The following ROBO1 variants were observed in gnomAD, a reference collection of about 807,000 sequenced individuals.
ROBO1 encodes roundabout guidance receptor 1.
Under a neutral mutation model 195.9 loss-of-function variants are expected in ROBO1, and 149 were observed. That is an observed-to-expected ratio of 0.76 (90% CI 0.67 to 0.87). ROBO1 has a LOEUF of 0.87. Among genes scored for constraint, ROBO1 ranks in the 40% least tolerant of loss-of-function variants. The pLI, the probability that ROBO1 is intolerant of heterozygous loss-of-function variation, is 0.00. For missense variants in ROBO1, 1,933 were observed against 2,068.3 expected, an observed-to-expected ratio of 0.93 and a Z score of 1.27; for synonymous variants, 816 against 733.2, an observed-to-expected ratio of 1.11 and a Z score of -1.82.
At chr3:79,524,141 T>A (rs1226942541) in intron 2 of ROBO1, among the ~76,000 whole-genome samples, 1 of 151,960 alleles carries the variant, frequency 6.6e-6, no homozygotes, top group Non-Finnish European at 1.5e-5. Context: ...GTTCAAATGC[T>A]CCCACTATTC....
chr3:78,618,066 C>A, intron 26 of ROBO1, 25 bp from the exon 27 acceptor site: 1 of 1,563,574 alleles, frequency 6.4e-7, no homozygotes, highest in South Asian at 1.2e-5. Context: ...ATAAATAGGT[C>A]TGGCTCAGCT....
intron 1 of ROBO1, among the ~76,000 whole-genome samples, chr3:79,620,122 A>C (rs1944957759): frequency 6.6e-6 from 1 of 152,204 alleles, no homozygotes; most frequent in South Asian, 2.1e-4. Context: ...GGGCCAAGGA[A>C]TGTCAACAGC....
intron 2 of ROBO1, among the ~76,000 whole-genome samples, chr3:79,495,659 G>A (rs1939688460): frequency 6.6e-6 from 1 of 152,084 alleles, no homozygotes; most frequent in African/African-American, 2.4e-5. Context: ...ATCTAACTTT[G>A]ATACATGCGG....
At chr3:79,274,830 C>G (rs540090251) in intron 2 of ROBO1, among the ~76,000 whole-genome samples, 1 of 151,790 alleles carries the variant, frequency 6.6e-6, no homozygotes, top group Non-Finnish European at 1.5e-5. Context: ...GAAATCCGAA[C>G]GATCATTAGA....
intron 2 of ROBO1, among the ~76,000 whole-genome samples, chr3:79,572,038 A>C (rs1010458212): frequency 1.3e-5 from 2 of 152,184 alleles, no homozygotes; most frequent in African/African-American, 4.8e-5. Context: ...TTTTAAAGTC[A>C]TTCTTAATGA....
intron 3 of ROBO1, among the ~76,000 whole-genome samples, chr3:79,064,621 C>G (rs1167360342): frequency 6.6e-6 from 1 of 151,900 alleles, no homozygotes; most frequent in East Asian, 1.9e-4. Context: ...CTCAGCCTCC[C>G]AAAGTGTTGG....
chr3:79,053,365 A>G (rs1010352609), intron 3 of ROBO1, among the ~76,000 whole-genome samples: 1 of 151,544 alleles, frequency 6.6e-6, no homozygotes, highest in Non-Finnish European at 1.5e-5. Flanking sequence ...CCCCCCAATG[A>G]CCTTATTTCT....
chr3:78,967,358 G>A (rs2076670447), intron 3 of ROBO1, among the ~76,000 whole-genome samples: 2 of 109,406 alleles, frequency 1.8e-5, no homozygotes, highest in Admixed American at 2.8e-4. Flanking sequence ...CTAAGCTATT[G>A]TTTTATCACT....
intron 3 of ROBO1, among the ~76,000 whole-genome samples, chr3:79,105,119 CA>C (rs1482309695): frequency 2.6e-5 from 4 of 151,438 alleles, no homozygotes; most frequent in South Asian, 2.1e-4. Context: ...AAAAGAAAAC[CA>C]TAAAGCAAAA....
chr3:79,646,538 A>G (rs1945826898), intron 1 of ROBO1, among the ~76,000 whole-genome samples: 1 of 152,164 alleles, frequency 6.6e-6, no homozygotes, highest in Admixed American at 6.6e-5. Flanking sequence ...ATGATCCAGC[A>G]ATTACACTAC....
Position 79,057,159 on chromosome 3 carries a change from G to C in ROBO1, c.172+68297C>G, listed in dbSNP as rs570649642. ...TCCTGAGGCTGTTACAGTGTTCACT[G>C]ATGGCTCCAATGAAAATGCTGGTTA... On this transcript the variant is annotated intron_variant, in intron 3 of 30. Coordinates refer to ENST00000464233, the MANE Select transcript of ROBO1 (RefSeq NM_002941.4). Among the ~76,000 whole-genome samples, 6 of 152,168 alleles carry C rather than the reference G, an allele frequency of 3.9e-5. No individual in the cohort carries two copies. The East Asian group carries it at 7.8e-4, about 20-fold the overall frequency.
chr3:79,464,644 T>C (rs763211999), intron 2 of ROBO1, among the ~76,000 whole-genome samples: 2 of 151,592 alleles, frequency 1.3e-5, no homozygotes, highest in Non-Finnish European at 2.9e-5. Context: ...GGATACAAGT[T>C]CTATATCAGT....
intron 2 of ROBO1, among the ~76,000 whole-genome samples, chr3:79,292,465 G>A (rs1464973414): frequency 6.6e-6 from 1 of 152,164 alleles, no homozygotes; most frequent in Non-Finnish European, 1.5e-5. Context: ...AGTTTTCAAA[G>A]GGAATGCTTC....
chr3:78,982,388 G>C lies in ROBO1; in HGVS notation c.173-43461C>G, dbSNP rs544722186. ...GTCAGTTAATTACAGTGAAGCTTCA[G>C]AGAGGACAGGGGAAGTGTTCCCTTC... On this transcript the variant is annotated intron_variant, in intron 3 of 30. Coordinates refer to ENST00000464233, the MANE Select transcript of ROBO1 (RefSeq NM_002941.4). Among the ~76,000 whole-genome samples the C allele has an allele frequency of 2.0e-5, 3 of 152,252 alleles. No individual in the cohort carries two copies. In the South Asian group the frequency reaches 6.2e-4, roughly 32 times the overall value.
At chr3:78,784,808 C>A (rs1239840933) in intron 4 of ROBO1, among the ~76,000 whole-genome samples, 1 of 152,120 alleles carries the variant, frequency 6.6e-6, no homozygotes, top group Non-Finnish European at 1.5e-5. Context: ...TAGCCATTTG[C>A]AACTATCAGG....
At chr3:79,024,515 C>G (rs2078165756) in intron 3 of ROBO1, among the ~76,000 whole-genome samples, 1 of 152,088 alleles carries the variant, frequency 6.6e-6, no homozygotes, top group Non-Finnish European at 1.5e-5. Context: ...AGCCAGGGAA[C>G]TTATATTTGA....
chr3:79,397,691 GA>G (rs1261817493), intron 2 of ROBO1, among the ~76,000 whole-genome samples: 3 of 152,126 alleles, frequency 2.0e-5, no homozygotes, highest in Non-Finnish European at 4.4e-5. Flanking sequence ...ACTAAGCAAT[GA>G]AACCCCCAAA....
At chr3:78,656,063 CT>C (rs1706989513) in intron 18 of ROBO1, among the ~76,000 whole-genome samples, 1 of 150,972 alleles carries the variant, frequency 6.6e-6, no homozygotes, top group Non-Finnish European at 1.5e-5. Flanking sequence ...CTAATTTGTA[CT>C]TTATGTTCAT....
At chr3:79,609,402 G>T (rs1194510100) in intron 1 of ROBO1, among the ~76,000 whole-genome samples, 1 of 151,864 alleles carries the variant, frequency 6.6e-6, no homozygotes, top group Non-Finnish European at 1.5e-5. Context: ...CACTGCTGAA[G>T]GAAATGTAAA....
Sources: gnomAD v4.1 joint callset for allele counts (sites outside exome capture counted in the v4.1 genomes callset) on GRCh38, gnomAD v4.1.1 for gene constraint, MANE v1.5 for transcripts, NCBI Gene and HGNC (gene_info 2026-07-23, HGNC 2026-07-21) for gene names.